Variants in FAM184B observed in about 807,000 individuals in gnomAD.
The protein encoded by FAM184B is protein FAM184B.
Under a neutral mutation model 135.9 loss-of-function variants are expected in FAM184B, and 111 were observed. That is an observed-to-expected ratio of 0.82 (90% CI 0.70 to 0.96). The LOEUF (loss-of-function observed/expected upper bound fraction) is 0.96. Among genes scored for constraint, FAM184B ranks in the 40% least tolerant of loss-of-function variants. The pLI, the probability that FAM184B is intolerant of heterozygous loss-of-function variation, is 0.00. For missense variants in FAM184B, 1,375 were observed against 1,323.9 expected (o/e 1.04, Z -0.60); for synonymous variants, 552 against 524.8 (o/e 1.05, Z -0.71).
intron 1 of FAM184B, among the ~76,000 whole-genome samples, chr4:17,748,594 G>A (rs1261725965): frequency 2.3e-5 from 3 of 129,134 alleles, no homozygotes; most frequent in Non-Finnish European, 3.2e-5. Flanking sequence ...TCGGCCCACT[G>A]TAGCCTTGAC....
intron 1 of FAM184B, among the ~76,000 whole-genome samples, chr4:17,767,256 A>G (rs930824448): frequency 3.3e-5 from 5 of 152,188 alleles, no homozygotes; most frequent in African/African-American, 9.6e-5. Context: ...GGGCTCCTGC[A>G]GTGCAGCGGT....
At position 17,632,489 on chromosome 4, in the gene FAM184B, A is replaced by C; in HGVS notation, c.*43T>G. ...TCCTTCAATCGGATGATTTAAAATA[A>C]ATGTTTTTCAAGTATCCTCTGTGAT... On this transcript the variant is annotated 3_prime_UTR_variant, in exon 18 of 18. Transcript: ENST00000265018. The C allele has an allele frequency of 1.4e-6, 2 of 1,414,032 alleles. No individual in the cohort carries two copies. Among genetic ancestry groups the C allele is most frequent in the East Asian group, 2.5e-5 (1 of 40,168 alleles). 87.6% of individuals were successfully genotyped at this position (1,414,032 alleles called of 1,614,324 possible). A position where few individuals can be genotyped will look rare whatever the true frequency, so the allele number is the denominator to read the frequency against.
chr4:17,726,681 C>A (rs1049778076), intron 1 of FAM184B, among the ~76,000 whole-genome samples: 16 of 152,122 alleles, frequency 1.1e-4, no homozygotes, highest in African/African-American at 3.9e-4. Context: ...CAAATGATGT[C>A]ATTTTGACTC....
chr4:17,739,319 G>A (rs1717972700), intron 1 of FAM184B, among the ~76,000 whole-genome samples: 1 of 152,068 alleles, frequency 6.6e-6, no homozygotes, highest in Admixed American at 6.6e-5. Flanking sequence ...CAGTACAACT[G>A]TCCCACAGTG....
chr4:17,740,171 GC>G (rs1424847810), intron 1 of FAM184B, among the ~76,000 whole-genome samples: 1 of 151,826 alleles, frequency 6.6e-6, no homozygotes, highest in Non-Finnish European at 1.5e-5. Context: ...GGCCAATATA[GC>G]AAAGCCGCGT....
chr4:17,730,619 T>A (rs940643500), intron 1 of FAM184B, among the ~76,000 whole-genome samples: 3 of 152,072 alleles, frequency 2.0e-5, no homozygotes, highest in African/African-American at 7.2e-5. Context: ...TTCAACATTC[T>A]TAAAGAAAAG....
At chr4:17,742,153 TATATATATATATATA>T (rs1437102832) in intron 1 of FAM184B, among the ~76,000 whole-genome samples, 8 of 81,430 alleles carry the variant, frequency 9.8e-5, no homozygotes, top group African/African-American at 2.7e-4. Flanking sequence ...TATATATATA[TATATATATATATATA>T]TTTTTTTTTT....
chr4:17,658,261 T>A, intron 10 of FAM184B, 89 bp downstream of exon 10: 1 of 1,106,646 alleles, frequency 9.0e-7, no homozygotes, highest in South Asian at 1.4e-5. Context: ...GGGGATTGGA[T>A]GTCATGTAGA....
intron 7 of FAM184B, among the ~76,000 whole-genome samples, chr4:17,679,375 T>G (rs1716386881): frequency 6.6e-6 from 1 of 152,086 alleles, no homozygotes; most frequent in African/African-American, 2.4e-5. Context: ...GAATAGACAA[T>G]TCTCAAAAGA....
chr4:17,688,977 G>A (rs906052443), intron 6 of FAM184B, among the ~76,000 whole-genome samples: 6 of 152,182 alleles, frequency 3.9e-5, no homozygotes, highest in African/African-American at 1.2e-4. Context: ...ATAGGCGTAA[G>A]CCACTGTGCC....
At chr4:17,672,407 T>C (rs1716192935) in intron 7 of FAM184B, among the ~76,000 whole-genome samples, 1 of 152,180 alleles carries the variant, frequency 6.6e-6, no homozygotes, top group South Asian at 2.1e-4. Flanking sequence ...ACTACGTTGA[T>C]GAAGAGTGAT....
intron 1 of FAM184B, among the ~76,000 whole-genome samples, chr4:17,752,769 T>A (rs1718331395): frequency 6.6e-6 from 1 of 152,224 alleles, no homozygotes; most frequent in African/African-American, 2.4e-5. Context: ...CCGATACATA[T>A]GACAGCACTC....
intron 1 of FAM184B, among the ~76,000 whole-genome samples, chr4:17,778,856 C>T (rs1718980254): frequency 6.6e-6 from 1 of 152,084 alleles, no homozygotes; most frequent in African/African-American, 2.4e-5. Context: ...AAGACCCTGT[C>T]TCTTAAACAA....
intron 11 of FAM184B, among the ~76,000 whole-genome samples, chr4:17,649,248 A>G (rs1715542910): frequency 6.6e-6 from 1 of 152,158 alleles, no homozygotes; most frequent in South Asian, 2.1e-4. Context: ...AAGGTTAACT[A>G]TATTAAGCAC....
At chr4:17,708,663 C>CTATACATATATATATATATATATA (rs1228433126) in intron 2 of FAM184B, among the ~76,000 whole-genome samples, 1 of 16,990 alleles carries the variant, frequency 5.9e-5, no homozygotes, top group Non-Finnish European at 1.0e-4. Flanking sequence ...GGAAACAAAA[C>CTATACATATATATATATATATATA]TATATATATA....
At chr4:17,739,269 C>G (rs540814898) in intron 1 of FAM184B, among the ~76,000 whole-genome samples, 1 of 152,124 alleles carries the variant, frequency 6.6e-6, no homozygotes, top group African/African-American at 2.4e-5. Context: ...GCCACCATGG[C>G]GGATCCCCTT....
intron 1 of FAM184B, among the ~76,000 whole-genome samples, chr4:17,747,424 A>T (rs1297295514): frequency 1.3e-5 from 2 of 152,132 alleles, no homozygotes; most frequent in African/African-American, 4.8e-5. Flanking sequence ...GAGATCTGTG[A>T]TATGGGTAGA....
At chr4:17,706,443 TGGGCCGTAAGGTA>T in intron 3 of FAM184B, among the ~76,000 whole-genome samples, 1 of 152,288 alleles carries the variant, frequency 6.6e-6, no homozygotes, top group South Asian at 2.1e-4. Context: ...AAGCATGCTG[TGGGCCGTAAGGTA>T]CAGGCCCATG....
rs114418775 is a variant in FAM184B, at chr4:17,724,616, G to A, written c.142-14972C>T. On this transcript the variant is annotated intron_variant, in intron 1 of 17. Transcript: ENST00000265018. ...AAGAGTTTAAGAGAGTCTTGCTGCT[G>A]ATGATGTAACGAGGTGCTACCATCC... Among the ~76,000 whole-genome samples, 523 of 152,272 alleles carry A rather than the reference G, an allele frequency of 3.4e-3. 3 individuals carry two copies. Among genetic ancestry groups the A allele is most frequent in the African/African-American group, 0.011 (473 of 41,564 alleles).
Sources: allele counts gnomAD v4.1 joint callset (sites outside exome capture counted in the v4.1 genomes callset), GRCh38; gene constraint gnomAD v4.1.1; transcripts MANE v1.5; gene names NCBI Gene and HGNC (gene_info 2026-07-23, HGNC 2026-07-21).